Variants in EXOC6 observed in about 807,000 individuals in gnomAD.
EXOC6 encodes exocyst complex component 6.
Under a neutral mutation model 112.5 loss-of-function variants are expected in EXOC6, and 60 were observed. The ratio of observed to expected loss-of-function variants is 0.53; its 90% confidence interval spans 0.43 to 0.66. The LOEUF (loss-of-function observed/expected upper bound fraction) is 0.66. EXOC6 is among the 30% of genes least tolerant of loss of function. The pLI is 0.00. For synonymous variants in EXOC6, 295 were observed against 308.0 expected (o/e 0.96, Z 0.44); for missense variants, 855 against 957.1 (o/e 0.89, Z 1.41).
chr10:93,013,708 A>G (rs547624926), intron 19 of EXOC6, among the ~76,000 whole-genome samples: 1 of 152,382 alleles, frequency 6.6e-6, no homozygotes, highest in Admixed American at 6.5e-5. Flanking sequence ...TATTGTCTGC[A>G]TGTAAAGTTG....
At chr10:93,036,939 G>C (rs1845540369) in intron 20 of EXOC6, among the ~76,000 whole-genome samples, 1 of 152,036 alleles carries the variant, frequency 6.6e-6, no homozygotes, top group Non-Finnish European at 1.5e-5. Context: ...CAATATTCCT[G>C]CTCTTTTTTT....
At chr10:93,052,795 A>C (rs1846361681) in intron 20 of EXOC6, among the ~76,000 whole-genome samples, 1 of 152,182 alleles carries the variant, frequency 6.6e-6, no homozygotes, top group Non-Finnish European at 1.5e-5. Flanking sequence ...ATCCTTTAAT[A>C]AGTAATTGTA....
At chr10:92,827,242 G>A (rs1846399527) in intron 1 of EXOC6, among the ~76,000 whole-genome samples, 2 of 151,792 alleles carry the variant, frequency 1.3e-5, no homozygotes, top group East Asian at 3.9e-4. Flanking sequence ...GGGAGGCTGA[G>A]GTGGGCAGAT....
chr10:92,941,890 T>G (rs777856873), intron 13 of EXOC6, among the ~76,000 whole-genome samples: 6 of 152,208 alleles, frequency 3.9e-5, no homozygotes, highest in Non-Finnish European at 8.8e-5. Context: ...TCTTTTTCTT[T>G]TTGTCTCTTT....
chr10:92,963,473 G>A (rs1442459664), intron 17 of EXOC6, among the ~76,000 whole-genome samples: 1 of 151,500 alleles, frequency 6.6e-6, no homozygotes, highest in South Asian at 2.1e-4. Flanking sequence ...TTAGAACTAT[G>A]ATATTATTAA....
intron 1 of EXOC6, among the ~76,000 whole-genome samples, chr10:92,873,783 G>A: frequency 6.6e-6 from 1 of 152,128 alleles, no homozygotes; most frequent in Non-Finnish European, 1.5e-5. Context: ...AGGCACGGTG[G>A]CTCATGCCTG....
chr10:92,871,633 CCT>C (rs1431739901), intron 1 of EXOC6, among the ~76,000 whole-genome samples: 2 of 151,726 alleles, frequency 1.3e-5, no homozygotes, highest in Non-Finnish European at 2.9e-5. Context: ...GTGATGAAAC[CCT>C]GTCTCTACTA....
intron 4 of EXOC6, among the ~76,000 whole-genome samples, chr10:92,898,067 A>G (rs1251112511): frequency 6.6e-6 from 1 of 152,102 alleles, no homozygotes; most frequent in East Asian, 1.9e-4. Flanking sequence ...CACGTAAGTC[A>G]TCAGTTGCAG....
intron 1 of EXOC6, among the ~76,000 whole-genome samples, chr10:92,890,012 T>C (rs887618591): frequency 1.3e-5 from 2 of 152,226 alleles, no homozygotes; most frequent in Admixed American, 6.5e-5. Context: ...CAAAATAACT[T>C]GCTGGGATTT....
intron 20 of EXOC6, among the ~76,000 whole-genome samples, chr10:93,031,306 A>G (rs1325135824): frequency 6.6e-6 from 1 of 152,116 alleles, no homozygotes; most frequent in East Asian, 1.9e-4. Flanking sequence ...TATTAATTGA[A>G]ACCAGGGAAG....
chr10:92,943,272 C>G (rs539759207), intron 13 of EXOC6, among the ~76,000 whole-genome samples: 1 of 152,252 alleles, frequency 6.6e-6, no homozygotes, highest in East Asian at 1.9e-4. Context: ...CCCGCCTTGG[C>G]CTCCTAAAGT....
At chr10:93,017,407 G>A (rs183712733) in intron 20 of EXOC6, among the ~76,000 whole-genome samples, 13 of 150,554 alleles carry the variant, frequency 8.6e-5, no homozygotes, top group South Asian at 4.3e-4. Flanking sequence ...TGGCCAACAC[G>A]GTGAAACCCT....
chr10:92,847,553 A>T (rs1454970587), upstream of EXOC6, among the ~76,000 whole-genome samples: 1 of 152,230 alleles, frequency 6.6e-6, no homozygotes, highest in Non-Finnish European at 1.5e-5. Flanking sequence ...TAGAGCAGAA[A>T]GTAGTTGTTC....
At chr10:93,005,193 A>G (rs890041635) in intron 19 of EXOC6, among the ~76,000 whole-genome samples, 1 of 152,192 alleles carries the variant, frequency 6.6e-6, no homozygotes, top group Non-Finnish European at 1.5e-5. Context: ...GGATCTATGT[A>G]TGAATATAGA....
At chr10:93,050,969 T>C (rs1846262342) in intron 20 of EXOC6, among the ~76,000 whole-genome samples, 1 of 151,994 alleles carries the variant, frequency 6.6e-6, no homozygotes, top group South Asian at 2.1e-4. Context: ...CATGATATGC[T>C]CCATTTGATT....
intron 1 of EXOC6, among the ~76,000 whole-genome samples, chr10:92,828,151 C>T (rs1846416126): frequency 6.6e-6 from 1 of 152,156 alleles, no homozygotes; most frequent in Non-Finnish European, 1.5e-5. Flanking sequence ...CATATACAAT[C>T]ATGTATTCCG....
At chr10:93,032,980 A>G (rs1477035255) in intron 20 of EXOC6, among the ~76,000 whole-genome samples, 1 of 152,122 alleles carries the variant, frequency 6.6e-6, no homozygotes, top group Non-Finnish European at 1.5e-5. Flanking sequence ...TGCTGTTAGG[A>G]AAGAGAAAGG....
Position 92,935,903 on chromosome 10 carries a change from A to C in EXOC6, c.1212+18A>C, listed in dbSNP as rs1212869233. The C allele has an allele frequency of 1.4e-6, 2 of 1,470,688 alleles. No individual in the cohort carries two copies. The highest frequency in any genetic ancestry group is 1.9e-6 in the Non-Finnish European group (2 of 1,055,698). The allele number at this position is 1,470,688 out of a possible 1,614,324, so 91.1% of individuals were successfully genotyped here. A position where few individuals can be genotyped will look rare whatever the true frequency, so the allele number is the denominator to read the frequency against. On this transcript the variant is annotated intron_variant, in intron 12 of 21. Coordinates refer to ENST00000260762, the MANE Select transcript of EXOC6 (RefSeq NM_019053.6). ...CTTTACAGGTGGGTGATAACCTAAC[A>C]ATTAATGGTTATTCTGATCACTTAA...
chr10:92,943,981 A>C (rs1852824299), intron 13 of EXOC6, among the ~76,000 whole-genome samples: 1 of 152,132 alleles, frequency 6.6e-6, no homozygotes, highest in Non-Finnish European at 1.5e-5. Context: ...TAGATTCCTC[A>C]TATAAGTGAG....
Sources: allele counts gnomAD v4.1 joint callset (sites outside exome capture counted in the v4.1 genomes callset), GRCh38; gene constraint gnomAD v4.1.1; transcripts MANE v1.5; gene names NCBI Gene and HGNC (gene_info 2026-07-23, HGNC 2026-07-21).